Variants in ASPRV1 observed in about 807,000 individuals in gnomAD.
ASPRV1 encodes the protein aspartic peptidase retroviral like 1, also known as retroviral-like aspartic protease 1.
In ASPRV1, 7 loss-of-function variants were observed where a neutral mutation model predicts 11.0. The observed-to-expected ratio is 0.64, with a 90% CI of 0.36 to 1.20. The LOEUF (loss-of-function observed/expected upper bound fraction) is 1.20. ASPRV1 is among the 50% of genes most tolerant of loss of function. The pLI, the probability that ASPRV1 is intolerant of heterozygous loss-of-function variation, is 0.02. For synonymous variants in ASPRV1, 136 were observed against 138.4 expected, an observed-to-expected ratio of 0.98 and a Z score of 0.12; for missense variants, 299 against 320.0, an observed-to-expected ratio of 0.93 and a Z score of 0.50.
chr2:69,961,099 T>C lies in ASPRV1; in HGVS notation c.338A>G (p.Tyr113Cys), dbSNP rs200651018. ...CACTTTGCCAATCTTCCCCTTGAGA[T>C]AGTAGCCCTTACCCATGCTGTTGGC... ...VFANSMGKGY[Y>C]LKGKIGKVPV... Residue 113 changes from tyrosine (Y) to cysteine (C), a missense_variant, in exon 1 of 1, where the codon TAT (tyrosine) becomes TGT (cysteine). By Grantham distance (194) the Tyr-to-Cys change is radical. Coordinates refer to ENST00000320256, the MANE Select transcript of ASPRV1 (RefSeq NM_152792.4). 3.1e-6 allele frequency: 5 copies of C among 1,613,714 alleles called. No homozygotes were observed. Among genetic ancestry groups the C allele is most frequent in the South Asian group, 2.2e-5 (2 of 91,062 alleles).
the ASPRV1 span, among the ~76,000 whole-genome samples, chr2:70,041,634 A>C: frequency 6.6e-6 from 1 of 152,234 alleles, no homozygotes; most frequent in Non-Finnish European, 1.5e-5. Flanking sequence ...GTTAAACTTG[A>C]GACTGATGCT....
At chr2:69,948,340 C>T in the ASPRV1 span, among the ~76,000 whole-genome samples, 7 of 152,220 alleles carry the variant, frequency 4.6e-5, no homozygotes, top group Admixed American at 1.3e-4. Flanking sequence ...AGACAGGTCA[C>T]GGCAGGAAGC....
At chr2:69,944,588 C>T in the ASPRV1 span, among the ~76,000 whole-genome samples, 3 of 152,230 alleles carry the variant, frequency 2.0e-5, no homozygotes, top group African/African-American at 4.8e-5. Flanking sequence ...ACTCCCTTGC[C>T]CCAATTTTTG....
the ASPRV1 span, chr2:70,087,023 G>A: frequency 1.3e-5 from 2 of 151,090 alleles, no homozygotes; most frequent in East Asian, 3.9e-4. Flanking sequence ...CCGGAAGAGG[G>A]CTGCTGCCCC....
chr2:69,958,394 CCTCA>C (rs1382741408), downstream of ASPRV1, among the ~76,000 whole-genome samples: 2 of 152,186 alleles, frequency 1.3e-5, no homozygotes, highest in Admixed American at 1.3e-4. Flanking sequence ...GACAGGCTCT[CCTCA>C]CTCAGAGCAG....
chr2:69,959,897 TGA>T (rs1678024970), downstream of ASPRV1, among the ~76,000 whole-genome samples: 1 of 152,186 alleles, frequency 6.6e-6, no homozygotes, highest in Non-Finnish European at 1.5e-5. Flanking sequence ...TTCAAAATAA[TGA>T]GAGCAATTCT....
chr2:69,989,391 A>C, the ASPRV1 span, among the ~76,000 whole-genome samples: 9 of 152,254 alleles, frequency 5.9e-5, no homozygotes, highest in Non-Finnish European at 1.2e-4. Context: ...ATCAGACACA[A>C]CACCACAGCA....
At chr2:69,944,802 C>CCG in the ASPRV1 span, among the ~76,000 whole-genome samples, 9 of 119,532 alleles carry the variant, frequency 7.5e-5, no homozygotes, top group African/African-American at 4.9e-4. Flanking sequence ...TGAAGAAGGA[C>CCG]CCCCCCTCCT....
In ASPRV1 at chr2:69,961,369, T is replaced by A; in HGVS notation, c.68A>T (p.Asp23Val). ...GAGGTTTGGGACGACATTGGCCCCATCAAAAGGTTCCGGGACGAAGGCATG... is the reference window on the plus strand; with the variant it reads ...GAGGTTTGGGACGACATTGGCCCCAACAAAAGGTTCCGGGACGAAGGCATG... ...RQHAFVPEPF[D>V]GANVVPNLWL... is the part of the protein sequence containing the mutation. Residue 23 changes from aspartate to valine, a missense_variant, in exon 1 of 1, where the codon GAT becomes GTT. Asp to Val is a radical substitution (Grantham distance 152). Transcript: ENST00000320256. 1 of 1,614,110 alleles carries A rather than the reference T, an allele frequency of 6.2e-7. No individual in the cohort carries two copies. Among genetic ancestry groups the A allele is most frequent in the South Asian group, 1.1e-5 (1 of 91,084 alleles).
the ASPRV1 span, among the ~76,000 whole-genome samples, chr2:70,001,610 A>G: frequency 6.6e-6 from 1 of 152,200 alleles, no homozygotes; most frequent in South Asian, 2.1e-4. Context: ...ATACAAAAAC[A>G]TTAGCCAGGC....
At chr2:69,990,206 C>A in the ASPRV1 span, among the ~76,000 whole-genome samples, 1 of 151,944 alleles carries the variant, frequency 6.6e-6, no homozygotes, top group East Asian at 1.9e-4. Context: ...TTTTTTGAAA[C>A]AGAGTCTCAC....
chr2:69,950,301 G>A, the ASPRV1 span, among the ~76,000 whole-genome samples: 5 of 152,142 alleles, frequency 3.3e-5, no homozygotes, highest in Admixed American at 3.3e-4. Flanking sequence ...CTGCTGCTGG[G>A]GTAACCGTGT....
At chr2:69,947,256 A>T in the ASPRV1 span, among the ~76,000 whole-genome samples, 1 of 152,284 alleles carries the variant, frequency 6.6e-6, no homozygotes, top group African/African-American at 2.4e-5. Context: ...AAGAGTAAAG[A>T]GATAATCAGG....
chr2:70,026,434 G>C, the ASPRV1 span, among the ~76,000 whole-genome samples: 1 of 148,318 alleles, frequency 6.7e-6, no homozygotes, highest in Non-Finnish European at 1.5e-5. Context: ...AATTATTCTT[G>C]TTTACAACAA....
the ASPRV1 span, chr2:70,086,427 C>A: frequency 6.6e-6 from 1 of 152,268 alleles, no homozygotes; most frequent in East Asian, 1.9e-4. Flanking sequence ...GCAGAAATCA[C>A]AACTCATAGG....
chr2:69,957,258 T>C (rs1010754812), downstream of ASPRV1, among the ~76,000 whole-genome samples: 1 of 152,052 alleles, frequency 6.6e-6, no homozygotes, highest in African/African-American at 2.4e-5. Flanking sequence ...GTGCATCATA[T>C]TTGCGATTTT....
At chr2:70,063,431 T>C in the ASPRV1 span, among the ~76,000 whole-genome samples, 1 of 152,216 alleles carries the variant, frequency 6.6e-6, no homozygotes, top group African/African-American at 2.4e-5. Flanking sequence ...TTCCACAGAT[T>C]CATGTTGAAC....
At chr2:70,051,067 T>C in the ASPRV1 span, 2 of 152,200 alleles carry the variant, frequency 1.3e-5, no homozygotes, top group African/African-American at 4.8e-5. Context: ...GCATTCCTAA[T>C]GAGTGCTATG....
At chr2:70,058,075 G>A in the ASPRV1 span, among the ~76,000 whole-genome samples, 5 of 152,198 alleles carry the variant, frequency 3.3e-5, no homozygotes, top group Admixed American at 2.6e-4. Context: ...GAGCCAACAC[G>A]CATGGCCAAG....
Sources: allele counts gnomAD v4.1 joint callset (sites outside exome capture counted in the v4.1 genomes callset), GRCh38; gene constraint gnomAD v4.1.1; transcripts MANE v1.5; gene names NCBI Gene and HGNC (gene_info 2026-07-23, HGNC 2026-07-21).